The following RUVBL2 variants were observed in gnomAD, a reference collection of about 807,000 sequenced individuals.
RUVBL2 encodes RuvB like AAA ATPase 2.
A neutral mutation model predicts 57.9 loss-of-function variants in RUVBL2; 9 were observed. The ratio of observed to expected loss-of-function variants is 0.16; its 90% CI spans 0.09 to 0.27. The LOEUF (loss-of-function observed/expected upper bound fraction) is 0.27. Ranked by LOEUF, RUVBL2 falls within the 10% of genes least tolerant of loss-of-function variation. The pLI is 1.00. For missense variants in RUVBL2, 456 were observed against 669.6 expected (o/e 0.68, Z 3.52); for synonymous variants, 278 against 264.6 (o/e 1.05, Z -0.49).
chr19:49,010,384 A>G (rs1307626743), intron 8 of RUVBL2, 104 bp from the exon 9 acceptor site: 15 of 1,187,232 alleles, frequency 1.3e-5, no homozygotes, highest in Non-Finnish European at 1.8e-5. Context: ...TCCCAGCTCC[A>G]TTTCCTGGAG....
intron 2 of RUVBL2, among the ~76,000 whole-genome samples, chr19:49,001,843 C>T (rs866749539): frequency 2.0e-5 from 3 of 151,974 alleles, no homozygotes; most frequent in African/African-American, 7.3e-5. Flanking sequence ...ATCTCCTGAC[C>T]TCGTGATCCG....
intron 1 of RUVBL2, among the ~76,000 whole-genome samples, chr19:48,996,071 C>T (rs2039053082): frequency 6.6e-6 from 1 of 150,620 alleles, no homozygotes; most frequent in African/African-American, 2.4e-5. Context: ...ACTTGGGAGA[C>T]TAAGGTGGGA....
intron 12 of RUVBL2, 150 bp downstream of exon 12, chr19:49,014,753 C>G: frequency 1.7e-6 from 2 of 1,202,736 alleles, no homozygotes; most frequent in African/African-American, 1.5e-5. Flanking sequence ...GGCCTCCGAT[C>G]CGGGAGCAGG....
chr19:49,010,215 C>G (rs1265103626), intron 8 of RUVBL2, 149 bp downstream of exon 8: 3 of 803,398 alleles, frequency 3.7e-6, no homozygotes, highest in Admixed American at 4.6e-5. Context: ...AACCCTAGGA[C>G]AGCAGGGCCC....
chr19:49,007,407 C>G (rs778764883), intron 6 of RUVBL2, 39 bp downstream of exon 6: 1 of 1,583,710 alleles, frequency 6.3e-7, no homozygotes, highest in Non-Finnish European at 8.6e-7. Context: ...GAGGCCACCT[C>G]CAGCGCCAGG....
At chr19:49,006,952 C>T (rs1307703970) in intron 4 of RUVBL2, 66 bp from the exon 5 acceptor site, 1 of 1,584,874 alleles carries the variant, frequency 6.3e-7, no homozygotes, top group Non-Finnish European at 8.6e-7. Context: ...GCTAGTTTGC[C>T]ACAGAGCAGG....
rs779287504 is a variant in RUVBL2 at position 49,015,893 on chromosome 19, C to T, written c.*51C>T. ...CCTGTTTTCCACCAGAGTTCTGACACTGTGACTCTGTATAAAATGGTTGGG... is the reference window on the plus strand; with the variant it reads ...CCTGTTTTCCACCAGAGTTCTGACATTGTGACTCTGTATAAAATGGTTGGG... On this transcript the variant is annotated 3_prime_UTR_variant, in exon 15 of 15. Coordinates refer to ENST00000595090, the MANE Select transcript of RUVBL2 (RefSeq NM_006666.3). 5 of 1,613,974 alleles carry T rather than the reference C, an allele frequency of 3.1e-6. No homozygotes were observed. The highest frequency in any genetic ancestry group is 1.7e-5 in the Admixed American group (1 of 60,020).
chr19:49,011,715 T>C lies in RUVBL2; in HGVS notation c.1001+405T>C, dbSNP rs575361881. Among the ~76,000 whole-genome samples, 6 of 152,264 alleles carry C rather than the reference T, an allele frequency of 3.9e-5. No individual in the cohort carries two copies. In the East Asian group the frequency reaches 1.2e-3, roughly 29 times the overall value. On this transcript the variant is annotated intron_variant, in intron 11 of 14. Transcript: ENST00000595090. This position sits in a 1 kb window ranked among gnomAD's most constrained non-coding sequence, Gnocchi z 4.4. ...ACTCCATTAACAGAACTCTTAGCGT[T>C]GTGTTTGGCCTAAGGATGCCAGGGA...
intron 1 of RUVBL2, 103 bp downstream of exon 1, chr19:48,994,026 C>T (rs1193322679): frequency 8.6e-7 from 1 of 1,159,994 alleles, no homozygotes; most frequent in Non-Finnish European, 1.2e-6. Context: ...GAGGGGGGAT[C>T]TGGGGGTTCA....
intron 8 of RUVBL2, 133 bp from the exon 9 acceptor site, chr19:49,010,355 C>T: frequency 1.1e-6 from 1 of 927,952 alleles, no homozygotes; most frequent in South Asian, 1.6e-5. Context: ...CTGGGGTTTC[C>T]AGATGACCCC....
At chr19:49,004,182 G>GC in intron 3 of RUVBL2, 95 bp from the exon 4 acceptor site, 1 of 1,356,520 alleles carries the variant, frequency 7.4e-7, no homozygotes, top group Non-Finnish European at 1.0e-6. Context: ...GTCCCAGCTA[G>GC]TAATGTCTGC....
intron 12 of RUVBL2, among the ~76,000 whole-genome samples, 179 bp from the exon 13 acceptor site, chr19:49,014,842 G>A (rs1278238284): frequency 6.6e-6 from 1 of 152,188 alleles, no homozygotes; most frequent in African/African-American, 2.4e-5. Flanking sequence ...GGAGGCCTCG[G>A]TTTTAGGTCC....
chr19:49,004,485 G>A, intron 4 of RUVBL2, 67 bp downstream of exon 4: 6 of 1,500,956 alleles, frequency 4.0e-6, no homozygotes, highest in Non-Finnish European at 5.4e-6. Context: ...TGTAAGTCAG[G>A]GTCAGGATGA....
rs772183939 is a variant in RUVBL2, at chr19:49,010,007, A to G, written c.604A>G (p.Ile202Val). 22 of 1,591,392 alleles carry G rather than the reference A, an allele frequency of 1.4e-5. No homozygotes were observed. Among genetic ancestry groups the G allele is most frequent in the South Asian group, 3.4e-5 (3 of 88,200 alleles). The change falls in exon 8 of 15, where the codon ATC (isoleucine) becomes GTC (valine). Residue 202 changes from isoleucine (I) to valine (V), a missense_variant. Ile to Val is a conservative substitution (Grantham distance 29, BLOSUM62 3). Transcript: ENST00000595090. ...CACCATCGACAAGGCGACGGGCAAG[A>G]TCTCCAAGCTGGGCCGCTCCTTCAC... ...VITIDKATGK[I>V]SKLGRSFTRA...
At position 49,007,030 on chromosome 19, in the gene RUVBL2, C is replaced by T; in HGVS notation, c.278C>T (p.Ala93Val). 1 of 1,612,994 alleles carries T rather than the reference C, an allele frequency of 6.2e-7. No individual in the cohort carries two copies. Among genetic ancestry groups the T allele is most frequent in the Non-Finnish European group, 8.5e-7 (1 of 1,180,006 alleles). Residue 93 changes from alanine to valine, a missense_variant, in exon 5 of 15, where the codon GCC becomes GTC. Physicochemically the swap from Ala to Val is moderately conservative, Grantham distance 64 (BLOSUM62 0). Transcript: ENST00000595090. ...KTAIAMGMAQALGPDTPFTAI... is the reference protein window; with the variant it reads ...KTAIAMGMAQVLGPDTPFTAI... The stretch of plus-strand genomic sequence containing the variant: ...GCCTCCTTCCCAGGCATGGCGCAGG[C>T]CCTGGGCCCTGACACGCCATTCACA...
At chr19:49,013,657 G>T (rs1406735904) in intron 11 of RUVBL2, among the ~76,000 whole-genome samples, 1 of 152,212 alleles carries the variant, frequency 6.6e-6, no homozygotes. Context: ...GCTCACACCT[G>T]TAATCCCAGC....
intron 8 of RUVBL2, 99 bp from the exon 9 acceptor site, chr19:49,010,389 C>G: frequency 1.6e-6 from 2 of 1,213,062 alleles, no homozygotes; most frequent in Non-Finnish European, 2.4e-6. Context: ...GCTCCATTTC[C>G]TGGAGCTCCA....
At chr19:48,998,983 G>A (rs2039121529) in intron 1 of RUVBL2, among the ~76,000 whole-genome samples, 1 of 151,774 alleles carries the variant, frequency 6.6e-6, no homozygotes, top group Non-Finnish European at 1.5e-5. Context: ...GCCGAGATTG[G>A]GCCACTGCAC....
chr19:49,007,189 G>A lies in RUVBL2; in HGVS notation c.395+42G>A, dbSNP rs1568637507. On this transcript the variant is annotated intron_variant, in intron 5 of 14. Transcript: ENST00000595090. ...AGGCGGGTGCCAGACCCCAGAGCCTGGGAGCAACCCCGCACCCCGGGCGGC... is the reference window on the plus strand; with the variant it reads ...AGGCGGGTGCCAGACCCCAGAGCCTAGGAGCAACCCCGCACCCCGGGCGGC... 7 of 1,611,822 alleles carry A rather than the reference G, an allele frequency of 4.3e-6. No individual in the cohort carries two copies. In the South Asian group the frequency reaches 6.6e-5, roughly 15 times the overall value.
Sources: allele counts gnomAD v4.1 joint callset (sites outside exome capture counted in the v4.1 genomes callset), GRCh38; gene constraint gnomAD v4.1.1; non-coding constraint Gnocchi (gnomAD v3.1); transcripts MANE v1.5; gene names NCBI Gene and HGNC (gene_info 2026-07-23, HGNC 2026-07-21).